The following PHF21A variants were observed in gnomAD, a reference collection of about 807,000 sequenced individuals.
The protein encoded by PHF21A is BHC80a.
PHF21A carries 11 observed loss-of-function variants against 82.5 expected under a neutral mutation model. That is an observed-to-expected ratio of 0.13 (90% CI 0.08 to 0.22). PHF21A has a LOEUF of 0.22. Ranked by LOEUF, PHF21A falls within the 10% of genes least tolerant of loss-of-function variation. PHF21A has a pLI of 1.00. For synonymous variants in PHF21A, 297 were observed against 302.8 expected, an observed-to-expected ratio of 0.98 and a Z score of 0.20; for missense variants, 579 against 837.8, an observed-to-expected ratio of 0.69 and a Z score of 3.81.
intron 6 of PHF21A, among the ~76,000 whole-genome samples, chr11:46,018,167 G>A (rs1298570590): frequency 1.3e-5 from 2 of 150,644 alleles, no homozygotes; most frequent in African/African-American, 2.4e-5. Flanking sequence ...GGAGAATGGC[G>A]TGAACCCGGG....
intron 6 of PHF21A, among the ~76,000 whole-genome samples, chr11:46,065,958 C>A (rs554570837): frequency 6.6e-6 from 1 of 152,308 alleles, no homozygotes; most frequent in African/African-American, 2.4e-5. Context: ...GATGTTAGGG[C>A]GGGCACATCC....
intron 1 of PHF21A, among the ~76,000 whole-genome samples, chr11:46,110,802 T>G (rs76687821): frequency 6.6e-6 from 1 of 151,902 alleles, no homozygotes; most frequent in South Asian, 2.1e-4. Context: ...TTTTTTTTTT[T>G]TGAGACAGAG....
chr11:46,015,022 A>T lies in PHF21A; in HGVS notation c.154-35056T>A, dbSNP rs1433028190. Among the ~76,000 whole-genome samples the T allele has an allele frequency of 1.3e-5, 2 of 150,920 alleles. 1 individual carries two copies. The highest frequency in any genetic ancestry group is 3.9e-4 in the East Asian group (2 of 5,120). On this transcript the variant is annotated intron_variant, in intron 6 of 18. Coordinates refer to ENST00000676320, the MANE Select transcript of PHF21A (RefSeq NM_001352027.3). ...AAAATAAAAAAATAAAAAAAAATAAAAAAATAAAAAATAGTTATTCTGACT... is the reference window on the plus strand; with the variant it reads ...AAAATAAAAAAATAAAAAAAAATAATAAAATAAAAAATAGTTATTCTGACT...
intron 6 of PHF21A, among the ~76,000 whole-genome samples, chr11:46,026,130 G>A (rs2095740943): frequency 6.6e-6 from 1 of 152,154 alleles, no homozygotes; most frequent in East Asian, 1.9e-4. Context: ...CCTGGGCTAA[G>A]GTTAAACCAA....
At chr11:46,032,920 G>C (rs2095897219) in intron 6 of PHF21A, among the ~76,000 whole-genome samples, 1 of 152,108 alleles carries the variant, frequency 6.6e-6, no homozygotes, top group South Asian at 2.1e-4. Flanking sequence ...ATACATACAT[G>C]TACATATAAT....
intron 6 of PHF21A, among the ~76,000 whole-genome samples, chr11:46,019,348 C>G (rs955451167): frequency 2.0e-5 from 3 of 151,992 alleles, no homozygotes; most frequent in Non-Finnish European, 2.9e-5. Flanking sequence ...ATTTTTTTCA[C>G]TTGAGAACTA....
At chr11:46,017,198 C>A (rs528626238) in intron 6 of PHF21A, among the ~76,000 whole-genome samples, 2 of 152,080 alleles carry the variant, frequency 1.3e-5, no homozygotes, top group Admixed American at 1.3e-4. Context: ...CTCAAACTCC[C>A]GACCTCAGGT....
chr11:46,018,026 G>T (rs901157898), intron 6 of PHF21A, among the ~76,000 whole-genome samples: 5 of 151,626 alleles, frequency 3.3e-5, no homozygotes, highest in African/African-American at 1.2e-4. Context: ...CGAGGCGGGC[G>T]GATCACGAGG....
At chr11:46,073,347 G>C (rs1592829590) in intron 6 of PHF21A, among the ~76,000 whole-genome samples, 2 of 151,030 alleles carry the variant, frequency 1.3e-5, no homozygotes, top group East Asian at 3.9e-4. Context: ...AAAAAAAGTT[G>C]GATTCTCTGA....
intron 6 of PHF21A, among the ~76,000 whole-genome samples, chr11:46,038,237 C>A (rs953475712): frequency 1.4e-4 from 21 of 152,040 alleles, no homozygotes; most frequent in African/African-American, 4.8e-4. Flanking sequence ...AGCGATTCTC[C>A]TGCCTCAGCC....
Position 45,970,839 on chromosome 11 carries a change from T to C in PHF21A, c.612+277A>G, listed in dbSNP as rs182942592. ...AGGGAGACATAAATGAAACAGTGTG[T>C]ATGCCTCTGTGAAGGAGACCTTCCC... is the stretch of plus-strand genomic sequence containing the variant. On this transcript the variant is annotated intron_variant, in intron 8 of 18. Transcript: ENST00000676320. The C allele has an allele frequency of 9.4e-6, 4 of 425,372 alleles. No individual in the cohort carries two copies. In the Admixed American group the frequency reaches 1.2e-4, roughly 13 times the overall value. 26.3% of individuals were successfully genotyped at this position (425,372 alleles called of 1,614,324 possible). A position where few individuals can be genotyped will look rare whatever the true frequency, so the allele number is the denominator to read the frequency against.
chr11:46,013,476 C>G (rs80048223), intron 6 of PHF21A, among the ~76,000 whole-genome samples: 31 of 152,184 alleles, frequency 2.0e-4, no homozygotes, highest in Middle Eastern at 6.8e-3. Flanking sequence ...CTCAGCTGAC[C>G]GTGAGTAACT....
chr11:45,999,876 G>C (rs1183452541), intron 6 of PHF21A, among the ~76,000 whole-genome samples: 2 of 152,198 alleles, frequency 1.3e-5, no homozygotes, highest in Admixed American at 1.3e-4. Flanking sequence ...TTTCTCTTGA[G>C]GATGAGGCAT....
intron 17 of PHF21A, among the ~76,000 whole-genome samples, chr11:45,936,156 T>C (rs1366634832): frequency 6.6e-6 from 1 of 152,126 alleles, no homozygotes; most frequent in African/African-American, 2.4e-5. Context: ...TACACACCTA[T>C]AGTCTCAGCT....
rs554155744 is a variant in PHF21A at position 45,931,246 on chromosome 11, C to T, written c.*2722G>A. Reference sequence around the variant, plus strand: ...CAAAGGCCTCTAGTGATGATGGTTTCCCAACTTCTTTCAGGAAAAGGTAAG... The same window carrying T: ...CAAAGGCCTCTAGTGATGATGGTTTTCCAACTTCTTTCAGGAAAAGGTAAG... On this transcript the variant is annotated 3_prime_UTR_variant, in exon 19 of 19. Transcript: ENST00000676320. 1.3e-5 allele frequency: 2 copies of T among 150,292 alleles called. No individual in the cohort carries two copies. The highest frequency in any genetic ancestry group is 4.3e-4 in the South Asian group (2 of 4,666). The allele number at this position is 150,292 out of a possible 1,614,324, so 9.3% of individuals were successfully genotyped here.
At chr11:46,068,932 C>T (rs1019287085) in intron 6 of PHF21A, among the ~76,000 whole-genome samples, 4 of 152,182 alleles carry the variant, frequency 2.6e-5, no homozygotes, top group East Asian at 1.9e-4. Flanking sequence ...TAATGTGGCA[C>T]GTTATTAAAG....
intron 1 of PHF21A, among the ~76,000 whole-genome samples, chr11:46,101,914 G>A (rs2097101501): frequency 6.6e-6 from 1 of 151,210 alleles, no homozygotes; most frequent in East Asian, 1.9e-4. Flanking sequence ...GCTGGAAGCA[G>A]TGGCGCAATC....
intron 6 of PHF21A, among the ~76,000 whole-genome samples, chr11:46,000,773 A>G (rs1490275518): frequency 6.6e-6 from 1 of 152,040 alleles, no homozygotes; most frequent in Non-Finnish European, 1.5e-5. Context: ...TACAAAAATT[A>G]GCCAGGTGTG....
At chr11:46,117,682 A>T (rs1851729788) in intron 1 of PHF21A, among the ~76,000 whole-genome samples, 1 of 152,234 alleles carries the variant, frequency 6.6e-6, no homozygotes. Context: ...AAAGCCCTAA[A>T]TCATACCAAC....
Sources: allele counts gnomAD v4.1 joint callset (sites outside exome capture counted in the v4.1 genomes callset), GRCh38; gene constraint gnomAD v4.1.1; transcripts MANE v1.5; gene names NCBI Gene and HGNC (gene_info 2026-07-23, HGNC 2026-07-21).